The following VPS13A variants were observed in gnomAD, a reference collection of about 807,000 sequenced individuals.
The protein encoded by VPS13A is intermembrane lipid transfer protein VPS13A.
Under a neutral mutation model 390.9 loss-of-function variants are expected in VPS13A, and 264 were observed. The ratio of observed to expected loss-of-function variants is 0.68; its 90% CI spans 0.61 to 0.75. The LOEUF is 0.75. Among genes scored for constraint, VPS13A ranks in the 30% least tolerant of loss-of-function variants. VPS13A has a pLI of 0.00. For synonymous variants in VPS13A, 1,231 were observed against 1,227.1 expected, an observed-to-expected ratio of 1.00 and a Z score of -0.07; for missense variants, 3,409 against 3,733.9, an observed-to-expected ratio of 0.91 and a Z score of 2.27.
intron 20 of VPS13A, among the ~76,000 whole-genome samples, 164 bp from the exon 21 acceptor site, chr9:77,249,933 A>G (rs1478282245): frequency 6.6e-6 from 1 of 152,198 alleles, no homozygotes; most frequent in Non-Finnish European, 1.5e-5. Context: ...TCTCCTTATT[A>G]TTATATATCT....
chr9:77,249,667 G>GT (rs1334840359), intron 20 of VPS13A, among the ~76,000 whole-genome samples: 1 of 152,196 alleles, frequency 6.6e-6, no homozygotes, highest in Non-Finnish European at 1.5e-5. Flanking sequence ...AAATGGCAGA[G>GT]TTGGAACTAA....
intron 4 of VPS13A, 48 bp from the exon 5 acceptor site, chr9:77,205,930 A>C: frequency 1.7e-5 from 22 of 1,286,022 alleles, no homozygotes; most frequent in South Asian, 2.6e-5. Flanking sequence ...GAATGACTAT[A>C]TTTAAATTTA....
intron 62 of VPS13A, among the ~76,000 whole-genome samples, chr9:77,368,739 G>A (rs2131584257): frequency 6.6e-6 from 1 of 152,264 alleles, no homozygotes; most frequent in African/African-American, 2.4e-5. Context: ...ACAGATAATT[G>A]TAAAAGTGAA....
At chr9:77,241,204 T>C (rs1019622300) in intron 19 of VPS13A, among the ~76,000 whole-genome samples, 2 of 152,190 alleles carry the variant, frequency 1.3e-5, no homozygotes, top group Non-Finnish European at 2.9e-5. Context: ...TGTATCCTGC[T>C]TTCTTTCCAT....
chr9:77,306,401 A>AGAGAGAGTGTGTGTGTGTGTGT (rs550279922), intron 34 of VPS13A, among the ~76,000 whole-genome samples: 7 of 107,694 alleles, frequency 6.5e-5, no homozygotes, highest in African/African-American at 2.1e-4. Context: ...AGAGAGAGAG[A>AGAGAGAGTGTGTGTGTGTGTGT]GTGTGTGTGT....
chr9:77,179,390 C>T (rs1160985631), intron 1 of VPS13A, among the ~76,000 whole-genome samples: 1 of 152,192 alleles, frequency 6.6e-6, no homozygotes, highest in Non-Finnish European at 1.5e-5. Context: ...CACCCCGCCA[C>T]CACGCCCGGC....
chr9:77,252,221 T>C lies in VPS13A; in HGVS notation c.2171-14T>C, dbSNP rs1362399924. On this transcript the variant is annotated splice_polypyrimidine_tract_variant and intron_variant, in intron 21 of 71. Transcript: ENST00000360280. ...TTATAGTTACGTTAAATATGAACTA[T>C]TTTCTGTACTTAGGTGATAATTGGA... The C allele has an allele frequency of 6.3e-7, 1 of 1,581,398 alleles. No individual in the cohort carries two copies. Among genetic ancestry groups the C allele is most frequent in the African/African-American group, 1.3e-5 (1 of 74,264 alleles).
In VPS13A at chr9:77,351,375, G is replaced by C; in HGVS notation, c.7348G>C (p.Ala2450Pro). ...PPGKAVFYTW[A>P]DPVGSRRLKW... ...TGGTAAAGCCGTGTTTTATACATGG[G>C]CTGATCCGGTGGGCTCTAGAAGGCT... Residue 2450 changes from alanine (A) to proline (P), a missense_variant, in exon 53 of 72, where the codon GCT (alanine) becomes CCT (proline). By Grantham distance (27) the Ala-to-Pro change is conservative. Transcript: ENST00000360280. 6.2e-7 allele frequency: 1 copy of C among 1,613,984 alleles called. No individual in the cohort carries two copies. Among genetic ancestry groups the C allele is most frequent in the Non-Finnish European group, 8.5e-7 (1 of 1,179,940 alleles).
At chr9:77,376,892 T>C (rs1014224739) in intron 67 of VPS13A, among the ~76,000 whole-genome samples, 1 of 152,210 alleles carries the variant, frequency 6.6e-6, no homozygotes. Context: ...TCTTAGAAGT[T>C]GGGGAAATGA....
chr9:77,391,166 C>G (rs1468179583), intron 68 of VPS13A, among the ~76,000 whole-genome samples: 3 of 152,120 alleles, frequency 2.0e-5, no homozygotes, highest in Non-Finnish European at 4.4e-5. Context: ...GATTTCTCTA[C>G]TGATGTGATA....
At position 77,340,576 on chromosome 9, in the gene VPS13A, A is replaced by T. The variant is rs746063800; in HGVS notation, c.7026+26A>T. The T allele has an allele frequency of 6.8e-6, 11 of 1,610,980 alleles. No individual in the cohort carries two copies. The Admixed American group carries it at 1.8e-4, about 27-fold the overall frequency. ...GTGGGTAGATGAATTTCAAAAATATACCTCTTTGGATTCTATTTTCTCCTT... is the reference window on the plus strand; with the variant it reads ...GTGGGTAGATGAATTTCAAAAATATTCCTCTTTGGATTCTATTTTCTCCTT... On this transcript the variant is annotated intron_variant, in intron 50 of 71. Coordinates refer to ENST00000360280, the MANE Select transcript of VPS13A (RefSeq NM_033305.3).
intron 54 of VPS13A, among the ~76,000 whole-genome samples, chr9:77,355,418 C>T (rs1035681915): frequency 6.6e-6 from 1 of 152,182 alleles, no homozygotes; most frequent in Non-Finnish European, 1.5e-5. Context: ...GGTTCCTTGT[C>T]TTCTCTCAAC....
chr9:77,409,120 G>T (rs1281628245), intron 71 of VPS13A, among the ~76,000 whole-genome samples: 1 of 152,228 alleles, frequency 6.6e-6, no homozygotes, highest in Non-Finnish European at 1.5e-5. Context: ...CAATCAGGCA[G>T]CAACATCTGC....
chr9:77,231,596 T>A (rs1823833917), intron 17 of VPS13A, among the ~76,000 whole-genome samples: 1 of 152,132 alleles, frequency 6.6e-6, no homozygotes, highest in Admixed American at 6.6e-5. Flanking sequence ...TTTTTTTAAT[T>A]GAGTTATTTT....
At position 77,337,520 on chromosome 9, in the gene VPS13A, A is replaced by T; in HGVS notation, c.6361A>T (p.Ile2121Phe). The change falls in exon 47 of 72, where the codon ATT becomes TTT. Residue 2121 changes from isoleucine to phenylalanine, a missense_variant. This residue lies in a region of VPS13A where 2,717 missense variants were observed against 2,917.4 expected (regional missense o/e 0.93). Transcript: ENST00000360280. ...GCTCCGAAATCTTCTTCCTTACAAAATTGCTTATTATATAGAGGTATCGGC... is the reference window on the plus strand; with the variant it reads ...GCTCCGAAATCTTCTTCCTTACAAATTTGCTTATTATATAGAGGTATCGGC... ...ILLRNLLPYK[I>F]AYYIEGIENS... is the part of the protein sequence containing the mutation. 1 of 1,612,712 alleles carries T rather than the reference A, an allele frequency of 6.2e-7. No homozygotes were observed. Among genetic ancestry groups the T allele is most frequent in the Admixed American group, 1.7e-5 (1 of 59,874 alleles).
intron 22 of VPS13A, 113 bp downstream of exon 22, chr9:77,252,465 A>G: frequency 1.1e-6 from 1 of 892,428 alleles, no homozygotes; most frequent in South Asian, 1.3e-5. Context: ...TATATAACTG[A>G]CTCTTCCTTG....
In VPS13A at chr9:77,339,634, A is replaced by G. The variant is rs1749265746; in HGVS notation, c.6497A>G (p.Lys2166Arg). The change falls in exon 48 of 72, where the codon AAA becomes AGA. Residue 2166 changes from lysine (K) to arginine (R), a missense_variant. Physicochemically the swap from Lys to Arg is conservative, Grantham distance 26 (BLOSUM62 2). This residue lies in a region of VPS13A where 2,717 missense variants were observed against 2,917.4 expected (regional missense o/e 0.93). Transcript: ENST00000360280. ...CTTGACTATCTCAATCACGATTGGA[A>G]AAGTGAATATCACATAAAGCCTAAT... Reference protein sequence around the residue: ...KLLDYLNHDWKSEYHIKPNQQ... With the variant: ...KLLDYLNHDWRSEYHIKPNQQ... The G allele has an allele frequency of 6.2e-7, 1 of 1,613,966 alleles. No individual in the cohort carries two copies. Among genetic ancestry groups the G allele is most frequent in the South Asian group, 1.1e-5 (1 of 91,062 alleles).
At chr9:77,398,891 A>G (rs1834232293) in intron 68 of VPS13A, among the ~76,000 whole-genome samples, 1 of 151,404 alleles carries the variant, frequency 6.6e-6, no homozygotes, top group Non-Finnish European at 1.5e-5. Flanking sequence ...ATTGGAAACC[A>G]TCATTCTCAG....
rs1239204472 is a variant in VPS13A at position 77,418,460 on chromosome 9, A to G, written c.*2454A>G. The G allele has an allele frequency of 6.6e-6, 1 of 152,234 alleles. No individual in the cohort carries two copies. The highest frequency in any genetic ancestry group is 1.5e-5 in the Non-Finnish European group (1 of 68,046). The allele number at this position is 152,234 out of a possible 1,614,324, so 9.4% of individuals were successfully genotyped here. A position where few individuals can be genotyped will look rare whatever the true frequency, so the allele number is the denominator to read the frequency against. On this transcript the variant is annotated 3_prime_UTR_variant, in exon 72 of 72. Coordinates refer to ENST00000360280, the MANE Select transcript of VPS13A (RefSeq NM_033305.3). The stretch of plus-strand genomic sequence containing the variant: ...ATTTCTGGTACTTGTGATCAAAAGC[A>G]GCTTGTGATTTCTTCACATTTGCAA...
Sources: gnomAD v4.1 joint callset for allele counts (sites outside exome capture counted in the v4.1 genomes callset) on GRCh38, gnomAD v4.1.1 for gene constraint, gnomAD v4.1.1 regional missense constraint, MANE v1.5 for transcripts, NCBI Gene and HGNC (gene_info 2026-07-23, HGNC 2026-07-21) for gene names.